The following KNTC1 variants were observed in gnomAD, a reference collection of about 807,000 sequenced individuals.
KNTC1 encodes kinetochore-associated protein 1.
In KNTC1, 253 loss-of-function variants were observed where a neutral mutation model predicts 314.4. That is an observed-to-expected ratio of 0.80 (90% confidence interval 0.73 to 0.89). KNTC1 has a LOEUF of 0.89. Among genes scored for constraint, KNTC1 ranks in the 40% least tolerant of loss-of-function variants. KNTC1 has a pLI of 0.00. For missense variants in KNTC1, 2,475 were observed against 2,572.9 expected, an observed-to-expected ratio of 0.96 and a Z score of 0.82; for synonymous variants, 901 against 901.4, an observed-to-expected ratio of 1.00 and a Z score of 0.01.
intron 42 of KNTC1, among the ~76,000 whole-genome samples, chr12:122,592,542 C>T (rs1317139753): frequency 6.6e-6 from 1 of 152,220 alleles, no homozygotes; most frequent in Non-Finnish European, 1.5e-5. Flanking sequence ...ATTGTAAATA[C>T]ACCAATCAGC....
Position 122,539,755 on chromosome 12 carries a change from G to A in KNTC1, c.445+1G>A. On this transcript the variant is annotated splice_donor_variant, in intron 5 of 63. Transcript: ENST00000333479. LOFTEE classifies it high-confidence loss of function. ...ATTGAGAAGGATGGTTCAAATGAAG[G>A]TAAGTTTTCCTGAATTTTTTTTTGA... 2 of 1,508,944 alleles carry A rather than the reference G, an allele frequency of 1.3e-6. No individual in the cohort carries two copies. Among genetic ancestry groups the A allele is most frequent in the Non-Finnish European group, 1.8e-6 (2 of 1,127,216 alleles). The allele number at this position is 1,508,944 out of a possible 1,614,324, so 93.5% of individuals were successfully genotyped here. A position where few individuals can be genotyped will look rare whatever the true frequency, so the allele number is the denominator to read the frequency against.
In KNTC1 at chr12:122,605,062, G is replaced by A; in HGVS notation, c.5361G>A (p.Gln1787=). 2 of 1,611,506 alleles carry A rather than the reference G, an allele frequency of 1.2e-6. No individual in the cohort carries two copies. Among genetic ancestry groups the A allele is most frequent in the East Asian group, 2.2e-5 (1 of 44,838 alleles). The change falls in exon 50 of 64, where the codon CAG becomes CAA. Residue 1787 remains glutamine, a synonymous_variant. Coordinates refer to ENST00000333479, the MANE Select transcript of KNTC1 (RefSeq NM_014708.6). ...ATCCTAGCATCAATCAAAGAATTCA[G>A]AATTCATCTGGCACAGATTATCCTG... ...YEHPSINQRI[Q]NSSGTDYPDI...
chr12:122,579,848 A>C, intron 31 of KNTC1, 57 bp from the exon 32 acceptor site: 1 of 1,161,156 alleles, frequency 8.6e-7, no homozygotes. Context: ...TATATGTACT[A>C]CTGAAGTGGT....
rs1465967227 is a variant in KNTC1, at chr12:122,613,118, G to A, written c.5629G>A (p.Gly1877Ser). 6.2e-7 allele frequency: 1 copy of A among 1,603,294 alleles called. No homozygotes were observed. Among genetic ancestry groups the A allele is most frequent in the African/African-American group, 1.3e-5 (1 of 74,638 alleles). ...VFATSTTTTL[G>S]MHQLTFAHRT... ...ACCTCTTTTGGTTTTTCAGACATTAGGTATGCATCAGTTAACTTTTGCCCA... is the reference window on the plus strand; with the variant it reads ...ACCTCTTTTGGTTTTTCAGACATTAAGTATGCATCAGTTAACTTTTGCCCA... Residue 1877 changes from glycine (G) to serine (S), a missense_variant, in exon 54 of 64, where the codon GGT becomes AGT. By Grantham distance (56) the Gly-to-Ser change is moderately conservative. Transcript: ENST00000333479.
At position 122,549,815 on chromosome 12, in the gene KNTC1, CT is replaced by C; in HGVS notation, c.1040del (p.Leu347TrpfsTer22). The C allele has an allele frequency of 6.4e-7, 1 of 1,572,532 alleles. No homozygotes were observed. The highest frequency in any genetic ancestry group is 8.7e-7 in the Non-Finnish European group (1 of 1,151,836). On this transcript the variant is annotated frameshift_variant, in exon 13 of 64. Coordinates refer to ENST00000333479, the MANE Select transcript of KNTC1 (RefSeq NM_014708.6). LOFTEE classifies it high-confidence loss of function. ...TTACCTACAATGGAAATACTATATTCTTTGGAAGTATCTAGTGTTTCTTCTC... is the reference window on the plus strand; with the variant it reads ...TTACCTACAATGGAAATACTATATTCTTGGAAGTATCTAGTGTTTCTTCTC... ...YSLPTMEILY[S>X]LEVSSVSSLV...
At chr12:122,541,108 G>A (rs1020231070) in intron 5 of KNTC1, among the ~76,000 whole-genome samples, 7 of 151,864 alleles carry the variant, frequency 4.6e-5, no homozygotes, top group African/African-American at 1.5e-4. Context: ...AGTGAGCTGC[G>A]ATCGCTGCAC....
intron 60 of KNTC1, among the ~76,000 whole-genome samples, 193 bp from the exon 61 acceptor site, chr12:122,621,688 C>T (rs1291836030): frequency 1.3e-5 from 2 of 152,152 alleles, no homozygotes; most frequent in Non-Finnish European, 2.9e-5. Flanking sequence ...TTTTTAAAAG[C>T]CATCTGTTCT....
At chr12:122,566,549 A>G (rs1480136120) in intron 20 of KNTC1, among the ~76,000 whole-genome samples, 4 of 151,470 alleles carry the variant, frequency 2.6e-5, no homozygotes, top group Non-Finnish European at 4.4e-5. Flanking sequence ...AGCTGGGATT[A>G]CAGGCATGCA....
At position 122,534,892 on chromosome 12, in the gene KNTC1, A is replaced by G. The variant is rs191159323; in HGVS notation, c.250+108A>G. The stretch of plus-strand genomic sequence containing the variant: ...TTACTCCATTATTTCTAAGATTTCA[A>G]ATTAGACCAATTTCAAGTAATTAAG... On this transcript the variant is annotated intron_variant, in intron 3 of 63. Transcript: ENST00000333479. The G allele has an allele frequency of 5.2e-5, 56 of 1,070,340 alleles. No individual in the cohort carries two copies. In the African/African-American group the frequency reaches 8.4e-4, roughly 16 times the overall value. 66.3% of individuals were successfully genotyped at this position (1,070,340 alleles called of 1,614,324 possible). A position where few individuals can be genotyped will look rare whatever the true frequency, so the allele number is the denominator to read the frequency against.
intron 33 of KNTC1, 34 bp from the exon 34 acceptor site, chr12:122,582,671 A>C: frequency 2.0e-6 from 3 of 1,537,380 alleles, no homozygotes; most frequent in Non-Finnish European, 2.6e-6. Context: ...GATTAAACAG[A>C]CTTGGGACTT....
In KNTC1 at chr12:122,529,976, G is replaced by A. The variant is rs181812500; in HGVS notation, c.-73-15G>A. The A allele has an allele frequency of 2.1e-6, 3 of 1,402,870 alleles. No individual in the cohort carries two copies. Among genetic ancestry groups the A allele is most frequent in the African/African-American group, 1.4e-5 (1 of 69,762 alleles). 86.9% of individuals were successfully genotyped at this position (1,402,870 alleles called of 1,614,324 possible). A position where few individuals can be genotyped will look rare whatever the true frequency, so the allele number is the denominator to read the frequency against. On this transcript the variant is annotated splice_polypyrimidine_tract_variant and intron_variant, in intron 1 of 63. Transcript: ENST00000333479. ...GCTTTATCATTTCCCAAGGAACCAG[G>A]TTCTATGCAACAAGATAATATGGTG...
chr12:122,542,616 T>A (rs920068455), intron 6 of KNTC1, among the ~76,000 whole-genome samples: 2 of 152,012 alleles, frequency 1.3e-5, no homozygotes, highest in Non-Finnish European at 2.9e-5. Flanking sequence ...AAATACAAAA[T>A]TAGCCAGACA....
At chr12:122,618,457 G>C in intron 58 of KNTC1, 25 bp from the exon 59 acceptor site, 5 of 1,594,310 alleles carry the variant, frequency 3.1e-6, no homozygotes, top group Non-Finnish European at 4.3e-6. Flanking sequence ...TGTATATCAT[G>C]GTTGTTTTTT....
At chr12:122,610,643 A>G (rs1873013400) in intron 52 of KNTC1, among the ~76,000 whole-genome samples, 179 bp from the exon 53 acceptor site, 1 of 152,214 alleles carries the variant, frequency 6.6e-6, no homozygotes, top group African/African-American at 2.4e-5. Flanking sequence ...CAATGAAAGA[A>G]CTCAAGAAAA....
chr12:122,534,657 C>T lies in KNTC1; in HGVS notation c.130-7C>T. The T allele has an allele frequency of 3.7e-6, 6 of 1,602,204 alleles. No individual in the cohort carries two copies. The highest frequency in any genetic ancestry group is 5.1e-6 in the Non-Finnish European group (6 of 1,173,192). On this transcript the variant is annotated splice_region_variant and splice_polypyrimidine_tract_variant and intron_variant, in intron 2 of 63. Coordinates refer to ENST00000333479, the MANE Select transcript of KNTC1 (RefSeq NM_014708.6). ...TTGAATTTTCATCATGCTTTTCTCTCCCACAGGCCTCATTAAATCCAAAGA... is the reference window on the plus strand; with the variant it reads ...TTGAATTTTCATCATGCTTTTCTCTTCCACAGGCCTCATTAAATCCAAAGA...
Position 122,577,759 on chromosome 12 carries a change from G to A in KNTC1, c.2809G>A (p.Ala937Thr), listed in dbSNP as rs1283294877. Reference sequence around the variant, plus strand: ...AAGAGTCATCATATGGGCACGACTGGCATTACAAGAAGAGCCAGATCATTC... The same window carrying A: ...AAGAGTCATCATATGGGCACGACTGACATTACAAGAAGAGCCAGATCATTC... ...AERVIIWARL[A>T]LQEEPDHSKE... The change falls in exon 31 of 64, where the codon GCA (alanine) becomes ACA (threonine). Residue 937 changes from alanine to threonine, a missense_variant. Ala to Thr is a moderately conservative substitution (Grantham distance 58, BLOSUM62 0). Coordinates refer to ENST00000333479, the MANE Select transcript of KNTC1 (RefSeq NM_014708.6). The A allele has an allele frequency of 6.2e-7, 1 of 1,613,506 alleles. No individual in the cohort carries two copies.
At chr12:122,608,150 C>T (rs1872733863) in intron 51 of KNTC1, among the ~76,000 whole-genome samples, 1 of 152,118 alleles carries the variant, frequency 6.6e-6, no homozygotes, top group Non-Finnish European at 1.5e-5. Context: ...CTCATTCAGC[C>T]ACCCAGGCTA....
rs1253576104 is a variant in KNTC1 at position 122,569,754 on chromosome 12, T to C, written c.1790T>C (p.Leu597Ser). ...AACTCAATGTCTGCATCAGTCTCTTTGCAAAAGCTGTGTCCATGGTTTAAA... is the reference window on the plus strand; with the variant it reads ...AACTCAATGTCTGCATCAGTCTCTTCGCAAAAGCTGTGTCCATGGTTTAAA... ...LLNSMSASVS[L>S]QKLCPWFKND... Residue 597 changes from leucine (L) to serine (S), a missense_variant, in exon 22 of 64, where the codon TTG becomes TCG. Coordinates refer to ENST00000333479, the MANE Select transcript of KNTC1 (RefSeq NM_014708.6). 1 of 1,613,920 alleles carries C rather than the reference T, an allele frequency of 6.2e-7. No individual in the cohort carries two copies. The highest frequency in any genetic ancestry group is 8.5e-7 in the Non-Finnish European group (1 of 1,179,840).
At position 122,613,764 on chromosome 12, in the gene KNTC1, A is replaced by G. The variant is rs369124386; in HGVS notation, c.5877+3A>G. ...AAAACCACAGCCACGAGTCCATGGT[A>G]GGTACACCTCACTGCCCCATTCCCA... On this transcript the variant is annotated splice_donor_region_variant and intron_variant, in intron 55 of 63. Transcript: ENST00000333479. 17 of 1,603,884 alleles carry G rather than the reference A, an allele frequency of 1.1e-5. No homozygotes were observed. In the African/African-American group the frequency reaches 2.0e-4, roughly 19 times the overall value.
Sources: gnomAD v4.1 joint callset for allele counts (sites outside exome capture counted in the v4.1 genomes callset) on GRCh38, gnomAD v4.1.1 for gene constraint, MANE v1.5 for transcripts, NCBI Gene and HGNC (gene_info 2026-07-23, HGNC 2026-07-21) for gene names.